UHRF2: variants seen among roughly 807,000 people sequenced by gnomAD.
UHRF2 encodes E3 ubiquitin-protein ligase UHRF2.
In UHRF2, 23 loss-of-function variants were observed where a neutral mutation model predicts 96.8. The ratio of observed to expected loss-of-function variants is 0.24; its 90% CI spans 0.17 to 0.34. The LOEUF (loss-of-function observed/expected upper bound fraction) is 0.34, where lower values mean the gene tolerates loss of function less well. Among genes scored for constraint, UHRF2 ranks in the 10% least tolerant of loss-of-function variants. The pLI is 1.00. For synonymous variants in UHRF2, 385 were observed against 332.6 expected (o/e 1.16, Z -1.72); for missense variants, 685 against 981.5 (o/e 0.70, Z 4.04).
intron 3 of UHRF2, among the ~76,000 whole-genome samples, chr9:6,459,093 G>A (rs1345940967): frequency 6.6e-6 from 1 of 152,182 alleles, no homozygotes. Context: ...GGGAAGGATA[G>A]CATTAGGAGA....
At chr9:6,493,787 G>C (rs1185156771) in intron 9 of UHRF2, 39 bp from the exon 10 acceptor site, 1 of 1,513,484 alleles carries the variant, frequency 6.6e-7, no homozygotes, top group Non-Finnish European at 9.1e-7. Context: ...AATTATACTT[G>C]GGTTTAGCTT....
At chr9:6,469,698 A>G (rs1823107583) in intron 4 of UHRF2, among the ~76,000 whole-genome samples, 1 of 148,284 alleles carries the variant, frequency 6.7e-6, no homozygotes, top group Non-Finnish European at 1.5e-5. Flanking sequence ...ATACACGTAT[A>G]TACATACATA....
chr9:6,493,855 A>G lies in UHRF2; in HGVS notation c.1527A>G (p.Gly509=), dbSNP rs1824817722. 1 of 1,613,880 alleles carries G rather than the reference A, an allele frequency of 6.2e-7. No homozygotes were observed. The highest frequency in any genetic ancestry group is 1.1e-5 in the South Asian group (1 of 91,078). ...VDRGDEFTYT[G]SGGKNLAGNK... is the part of the protein sequence containing the mutation. ...GAGGTGATGAGTTCACATACACTGG[A>G]AGCGGTGGTAAAAATCTTGCTGGTA... is the stretch of plus-strand genomic sequence containing the variant. Residue 509 remains glycine, a synonymous_variant, in exon 10 of 16, where the codon GGA becomes GGG. Transcript: ENST00000276893.
chr9:6,421,808 CTT>C (rs1308377315), intron 2 of UHRF2, among the ~76,000 whole-genome samples: 5 of 152,080 alleles, frequency 3.3e-5, no homozygotes, highest in African/African-American at 7.2e-5. Context: ...CTTTTATACT[CTT>C]TTTGTTTTTT....
chr9:6,499,452 C>G (rs1021191966), intron 12 of UHRF2: 9 of 152,864 alleles, frequency 5.9e-5, no homozygotes, highest in African/African-American at 1.7e-4. Flanking sequence ...CCACAATTTA[C>G]TGTGATCCAA....
chr9:6,425,746 T>G (rs1021068762), intron 2 of UHRF2, among the ~76,000 whole-genome samples: 1 of 148,922 alleles, frequency 6.7e-6, no homozygotes, highest in Admixed American at 6.8e-5. Flanking sequence ...CCTGGGTGAG[T>G]GAGACTTCGT....
chr9:6,444,545 G>C (rs773547201), intron 3 of UHRF2, among the ~76,000 whole-genome samples: 1 of 152,186 alleles, frequency 6.6e-6, no homozygotes, highest in Non-Finnish European at 1.5e-5. Context: ...GATTCCTGAG[G>C]GGACCCTCTC....
At chr9:6,427,244 A>G (rs944657079) in intron 2 of UHRF2, among the ~76,000 whole-genome samples, 1 of 152,192 alleles carries the variant, frequency 6.6e-6, no homozygotes, top group African/African-American at 2.4e-5. Flanking sequence ...TCTATAGTTG[A>G]AATTGCTTTA....
At chr9:6,426,508 A>G (rs943109742) in intron 2 of UHRF2, among the ~76,000 whole-genome samples, 6 of 152,160 alleles carry the variant, frequency 3.9e-5, no homozygotes, top group Non-Finnish European at 8.8e-5. Context: ...CTGTAGATTT[A>G]TTTACTTTTT....
At chr9:6,502,626 T>A (rs998874252) in intron 14 of UHRF2, among the ~76,000 whole-genome samples, 7 of 152,240 alleles carry the variant, frequency 4.6e-5, no homozygotes, top group African/African-American at 1.7e-4. Context: ...TTTGTTTGTT[T>A]ACTCTGCTGT....
intron 3 of UHRF2, among the ~76,000 whole-genome samples, chr9:6,457,129 C>G (rs1310697937): frequency 6.6e-6 from 1 of 152,170 alleles, no homozygotes; most frequent in Non-Finnish European, 1.5e-5. Context: ...ACTGATTCTT[C>G]TATCCATGAG....
At chr9:6,489,167 A>G (rs749103471) in intron 9 of UHRF2, among the ~76,000 whole-genome samples, 3 of 152,206 alleles carry the variant, frequency 2.0e-5, no homozygotes, top group Non-Finnish European at 4.4e-5. Flanking sequence ...AGTATGTAGC[A>G]TATTATATAT....
chr9:6,483,066 C>G (rs1824019093), intron 8 of UHRF2, among the ~76,000 whole-genome samples: 2 of 152,104 alleles, frequency 1.3e-5, no homozygotes. Context: ...TGGCTCACAC[C>G]TGTAATCTCA....
intron 9 of UHRF2, among the ~76,000 whole-genome samples, chr9:6,487,611 C>T (rs111544718): frequency 0.018 from 2,680 of 152,338 alleles, 73 homozygotes; most frequent in African/African-American, 0.062. Context: ...AGGTGATCCT[C>T]CCGCCTTGGC....
At position 6,468,211 on chromosome 9, in the gene UHRF2, G is replaced by T. The variant is rs116623160; in HGVS notation, c.864-7180G>T. The stretch of plus-strand genomic sequence containing the variant: ...TATGCATGTTTTTATTATGATCAAT[G>T]GCATTTAGTTTTGTGCATAAAGAGT... On this transcript the variant is annotated intron_variant, in intron 4 of 15. Coordinates refer to ENST00000276893, the MANE Select transcript of UHRF2 (RefSeq NM_152896.3). Among the ~76,000 whole-genome samples the T allele has an allele frequency of 2.5e-3, 376 of 152,232 alleles. 1 individual carries two copies. Among genetic ancestry groups the T allele is most frequent in the African/African-American group, 8.8e-3 (364 of 41,520 alleles).
intron 3 of UHRF2, among the ~76,000 whole-genome samples, chr9:6,455,288 C>A (rs776392276): frequency 1.4e-4 from 22 of 152,136 alleles, no homozygotes; most frequent in South Asian, 4.2e-4. Flanking sequence ...TCCCTCCCCC[C>A]TCTCTCCACC....
intron 2 of UHRF2, among the ~76,000 whole-genome samples, chr9:6,429,818 G>C (rs1318033862): frequency 1.3e-5 from 2 of 152,226 alleles, no homozygotes; most frequent in Non-Finnish European, 2.9e-5. Context: ...CTTAGTGGGT[G>C]ATAGATGAAG....
intron 9 of UHRF2, chr9:6,492,909 T>G (rs1824749795): frequency 6.6e-6 from 1 of 151,656 alleles, no homozygotes; most frequent in African/African-American, 2.4e-5. Flanking sequence ...TTTCCAAATT[T>G]CTTCTTAATG....
intron 14 of UHRF2, among the ~76,000 whole-genome samples, chr9:6,503,381 G>C (rs556952884): frequency 6.6e-6 from 1 of 151,292 alleles, no homozygotes; most frequent in African/African-American, 2.4e-5. Context: ...TTTATGACTA[G>C]GAAAAAAACT....
Sources: allele counts gnomAD v4.1 joint callset (sites outside exome capture counted in the v4.1 genomes callset), GRCh38; gene constraint gnomAD v4.1.1; transcripts MANE v1.5; gene names NCBI Gene and HGNC (gene_info 2026-07-23, HGNC 2026-07-21).